Variants in PCDH15 observed in about 807,000 individuals in gnomAD.
PCDH15 encodes protocadherin related 15, also known as protocadherin-15.
In PCDH15, 129 loss-of-function variants were observed where a neutral mutation model predicts 178.5. That is an observed-to-expected ratio of 0.72 (90% CI 0.63 to 0.84). The LOEUF (loss-of-function observed/expected upper bound fraction) is 0.84. PCDH15 is among the 40% of genes least tolerant of loss of function. PCDH15 has a pLI of 0.00. For missense variants in PCDH15, 2,230 were observed against 2,099.9 expected, an observed-to-expected ratio of 1.06 and a Z score of -1.21; for synonymous variants, 800 against 732.0, an observed-to-expected ratio of 1.09 and a Z score of -1.50.
At chr10:55,160,630 T>C (rs1839040855) in intron 2 of PCDH15, among the ~76,000 whole-genome samples, 1 of 152,004 alleles carries the variant, frequency 6.6e-6, no homozygotes, top group Non-Finnish European at 1.5e-5. Context: ...TTCAGCACCT[T>C]TGCATTTCTG....
intron 2 of PCDH15, among the ~76,000 whole-genome samples, chr10:54,932,756 C>T (rs1267250239): frequency 6.6e-6 from 1 of 152,064 alleles, no homozygotes; most frequent in Non-Finnish European, 1.5e-5. Flanking sequence ...AGGCAGGTCT[C>T]AAACCCCTGA....
chr10:55,397,759 T>C (rs1837964885), intron 2 of PCDH15, among the ~76,000 whole-genome samples: 1 of 151,734 alleles, frequency 6.6e-6, no homozygotes, highest in South Asian at 2.1e-4. Flanking sequence ...CTAATTTTTG[T>C]ATTTCTAGTA....
chr10:54,919,411 C>T (rs1172404259), intron 2 of PCDH15, among the ~76,000 whole-genome samples: 1 of 152,106 alleles, frequency 6.6e-6, no homozygotes, highest in Non-Finnish European at 1.5e-5. Flanking sequence ...ATTTCACCCA[C>T]GTTTTGTACT....
intron 1 of PCDH15, among the ~76,000 whole-genome samples, chr10:54,795,519 T>C (rs1951865659): frequency 6.6e-6 from 1 of 151,934 alleles, no homozygotes; most frequent in African/African-American, 2.4e-5. Context: ...ATTTCAGCTT[T>C]TCCATACTCT....
intron 2 of PCDH15, among the ~76,000 whole-genome samples, chr10:55,346,179 G>A (rs113132066): frequency 6.6e-6 from 1 of 151,976 alleles, no homozygotes; most frequent in Non-Finnish European, 1.5e-5. Context: ...ATATGGAAGA[G>A]GTAACAAATA....
intron 1 of PCDH15, among the ~76,000 whole-genome samples, chr10:55,260,775 G>T (rs1235348212): frequency 2.0e-5 from 3 of 152,198 alleles, no homozygotes; most frequent in East Asian, 3.9e-4. Flanking sequence ...CTTTTAAAAT[G>T]TTATAAAAAG....
chr10:55,140,604 G>A (rs565786512), intron 2 of PCDH15, among the ~76,000 whole-genome samples: 1 of 151,974 alleles, frequency 6.6e-6, no homozygotes, highest in South Asian at 2.1e-4. Context: ...AACAGGTTTT[G>A]ATATCAGAGA....
At chr10:54,506,511 T>TAG (rs1032691927) in intron 3 of PCDH15, among the ~76,000 whole-genome samples, 1 of 152,056 alleles carries the variant, frequency 6.6e-6, no homozygotes, top group Non-Finnish European at 1.5e-5. Context: ...TCCTAATACC[T>TAG]AGTAAGTAAT....
intron 2 of PCDH15, among the ~76,000 whole-genome samples, chr10:55,379,151 T>G (rs1857314): frequency 0.22 from 33,422 of 151,592 alleles, 3,942 homozygotes; most frequent in African/African-American, 0.3. Flanking sequence ...TAATTTTTTT[T>G]GGGAAAACAA....
chr10:53,956,878 T>C (rs569979587), intron 23 of PCDH15, among the ~76,000 whole-genome samples: 1 of 152,316 alleles, frequency 6.6e-6, no homozygotes, highest in South Asian at 2.1e-4. Context: ...AATCTATTTG[T>C]AGTTAATAGT....
chr10:54,759,978 G>T (rs1031411128), intron 1 of PCDH15, among the ~76,000 whole-genome samples: 3 of 152,134 alleles, frequency 2.0e-5, no homozygotes, highest in African/African-American at 7.2e-5. Flanking sequence ...CCCATGTATA[G>T]GGCGAGTAAG....
chr10:55,044,148 T>C (rs2131980408), intron 2 of PCDH15, among the ~76,000 whole-genome samples: 1 of 152,234 alleles, frequency 6.6e-6, no homozygotes, highest in Non-Finnish European at 1.5e-5. Context: ...GGTGATAATG[T>C]CCCGATGCAG....
intron 1 of PCDH15, among the ~76,000 whole-genome samples, chr10:54,760,361 A>G (rs1036336172): frequency 2.8e-5 from 4 of 143,230 alleles, no homozygotes; most frequent in African/African-American, 7.6e-5. Flanking sequence ...ACATCTGGAT[A>G]ACACAACATA....
At chr10:55,493,530 A>T (rs1030998534) in intron 2 of PCDH15, among the ~76,000 whole-genome samples, 1 of 151,580 alleles carries the variant, frequency 6.6e-6, no homozygotes, top group Non-Finnish European at 1.5e-5. Flanking sequence ...TGAAAGAGAA[A>T]AACCTTGTCT....
At chr10:55,454,073 T>C (rs1589041816) in intron 2 of PCDH15, among the ~76,000 whole-genome samples, 1 of 152,114 alleles carries the variant, frequency 6.6e-6, no homozygotes, top group African/African-American at 2.4e-5. Flanking sequence ...AATGATTCCG[T>C]TGACCAGACC....
At chr10:53,977,098 T>C (rs945140321) in intron 21 of PCDH15, among the ~76,000 whole-genome samples, 4 of 152,128 alleles carry the variant, frequency 2.6e-5, no homozygotes, top group African/African-American at 9.7e-5. Flanking sequence ...TTTTAGTCAG[T>C]CTGGGAGATG....
chr10:53,949,986 CTTATT>C (rs1293233697), intron 23 of PCDH15, among the ~76,000 whole-genome samples: 9 of 152,046 alleles, frequency 5.9e-5, no homozygotes, highest in African/African-American at 1.7e-4. Flanking sequence ...TCTTGAGAAA[CTTATT>C]TTAAGTATAA....
chr10:55,603,090 T>G (rs1320139382), intron 2 of PCDH15, among the ~76,000 whole-genome samples: 2 of 151,884 alleles, frequency 1.3e-5, no homozygotes, highest in Non-Finnish European at 2.9e-5. Flanking sequence ...ACGTGAAGAA[T>G]GCAGAAGCCT....
chr10:53,968,562 G>A (rs1034459179), intron 21 of PCDH15, among the ~76,000 whole-genome samples: 3 of 152,140 alleles, frequency 2.0e-5, no homozygotes, highest in African/African-American at 7.2e-5. Flanking sequence ...CCTCAAGTGG[G>A]TCCCTGACCC....
Sources: allele counts gnomAD v4.1 joint callset (sites outside exome capture counted in the v4.1 genomes callset), GRCh38; gene constraint gnomAD v4.1.1; transcripts MANE v1.5; gene names NCBI Gene and HGNC (gene_info 2026-07-23, HGNC 2026-07-21).